The following SLC29A3 variants were observed in gnomAD, a reference collection of about 807,000 sequenced individuals.
The protein encoded by SLC29A3 is equilibrative nucleoside transporter 3.
Under a neutral mutation model 25.4 loss-of-function variants are expected in SLC29A3, and 18 were observed. The ratio of observed to expected loss-of-function variants is 0.71; its 90% CI spans 0.49 to 1.05. The LOEUF is 1.05. Among genes scored for constraint, SLC29A3 ranks in the 50% least tolerant of loss-of-function variants. The pLI is 0.00. For synonymous variants in SLC29A3, 258 were observed against 267.1 expected, an observed-to-expected ratio of 0.97 and a Z score of 0.33; for missense variants, 586 against 609.0, an observed-to-expected ratio of 0.96 and a Z score of 0.40.
chr10:71,378,091 A>C, intron 4 of SLC29A3, among the ~76,000 whole-genome samples: 1 of 79,618 alleles, frequency 1.3e-5, no homozygotes, highest in Non-Finnish European at 2.9e-5. Context: ...AGCTTAGACA[A>C]TGTTGGGGGG....
chr10:71,319,647 C>A (rs1040754280), intron 1 of SLC29A3: 13 of 305,926 alleles, frequency 4.2e-5, no homozygotes, highest in Non-Finnish European at 6.0e-5. Context: ...GCTGCGGGGC[C>A]TGAGGCTGGG....
At chr10:71,326,186 C>T (rs1360334272) in intron 2 of SLC29A3, among the ~76,000 whole-genome samples, 1 of 152,146 alleles carries the variant, frequency 6.6e-6, no homozygotes, top group African/African-American at 2.4e-5. Context: ...TCCCAAAGTG[C>T]TGGGGTTACA....
intron 2 of SLC29A3, among the ~76,000 whole-genome samples, chr10:71,342,056 G>A (rs969606817): frequency 1.3e-5 from 2 of 152,136 alleles, no homozygotes; most frequent in African/African-American, 4.8e-5. Context: ...CTACTCTCTC[G>A]GTTGGAAGCA....
intron 5 of SLC29A3, among the ~76,000 whole-genome samples, chr10:71,356,897 T>G (rs925733197): frequency 2.0e-5 from 3 of 152,156 alleles, no homozygotes; most frequent in Non-Finnish European, 4.4e-5. Flanking sequence ...CTATTATTAT[T>G]TTTTATTATT....
chr10:71,319,972 G>C (rs1845812997), intron 1 of SLC29A3, among the ~76,000 whole-genome samples: 2 of 152,222 alleles, frequency 1.3e-5, no homozygotes, highest in African/African-American at 4.8e-5. Context: ...AGCTTGTTTT[G>C]GGGAAGGTTG....
intron 2 of SLC29A3, among the ~76,000 whole-genome samples, chr10:71,325,951 C>T (rs1229297066): frequency 6.8e-6 from 1 of 146,188 alleles, no homozygotes; most frequent in Non-Finnish European, 1.5e-5. Flanking sequence ...GGGTCTTGCA[C>T]TGTCACCCAG....
At chr10:71,361,762 G>A (rs1009585810) in intron 5 of SLC29A3, among the ~76,000 whole-genome samples, 192 bp from the exon 6 acceptor site, 1 of 152,226 alleles carries the variant, frequency 6.6e-6, no homozygotes, top group African/African-American at 2.4e-5. Flanking sequence ...GGCAGGCCAG[G>A]GACAACGCAG....
chr10:71,338,729 C>G (rs974634679), intron 2 of SLC29A3, among the ~76,000 whole-genome samples: 1 of 152,128 alleles, frequency 6.6e-6, no homozygotes, highest in Non-Finnish European at 1.5e-5. Context: ...TGCACTCCAG[C>G]CTGAGCGACA....
At position 71,362,169 on chromosome 10, in the gene SLC29A3, T is replaced by C. The variant is rs772599884; in HGVS notation, c.989T>C (p.Ile330Thr). 1.9e-6 allele frequency: 3 copies of C among 1,614,056 alleles called. No homozygotes were observed. The highest frequency in any genetic ancestry group is 1.7e-6 in the Non-Finnish European group (2 of 1,179,986). ...ATCTACCCCGCCATCTGCACCAACA[T>C]CGAGTCCCTCAACAAGGGTTCGGGC... ...SLIYPAICTN[I>T]ESLNKGSGSL... The change falls in exon 6 of 6, where the codon ATC becomes ACC. Residue 330 changes from isoleucine (I) to threonine (T), a missense_variant. Coordinates refer to ENST00000373189, the MANE Select transcript of SLC29A3 (RefSeq NM_018344.6).
chr10:71,347,838 G>C (rs532663003), intron 3 of SLC29A3, among the ~76,000 whole-genome samples: 17 of 152,140 alleles, frequency 1.1e-4, no homozygotes, highest in Non-Finnish European at 2.5e-4. Flanking sequence ...TGCCCTGGGG[G>C]TACCTGAGTA....
In SLC29A3 at chr10:71,322,977, A is replaced by G. The variant is rs1421210697; in HGVS notation, c.223A>G (p.Lys75Glu). Residue 75 changes from lysine to glutamate, a missense_variant, in exon 2 of 6, where the codon AAG (lysine) becomes GAG (glutamate). Physicochemically the swap from Lys to Glu is moderately conservative, Grantham distance 56. Transcript: ENST00000373189. ...GCCATGGAACTTCTTTATCACTGCC[A>G]AGGAGTACTGGATGTTCAAACTCCG... is the stretch of plus-strand genomic sequence containing the variant. Reference protein sequence around the residue: ...LLPWNFFITAKEYWMFKLRNS... With the variant: ...LLPWNFFITAEEYWMFKLRNS... 1 of 1,614,150 alleles carries G rather than the reference A, an allele frequency of 6.2e-7. No homozygotes were observed. The highest frequency in any genetic ancestry group is 1.7e-5 in the Admixed American group (1 of 60,028).
rs1225769202 is a variant in SLC29A3, at chr10:71,319,401, G to C, written c.1+91G>C. 1.3e-5 allele frequency: 7 copies of C among 540,874 alleles called. No individual in the cohort carries two copies. In the African/African-American group the frequency reaches 1.4e-4, roughly 11 times the overall value. 33.5% of individuals were successfully genotyped at this position (540,874 alleles called of 1,614,324 possible). A position where few individuals can be genotyped will look rare whatever the true frequency, so the allele number is the denominator to read the frequency against. On this transcript the variant is annotated intron_variant, in intron 1 of 5. Coordinates refer to ENST00000373189, the MANE Select transcript of SLC29A3 (RefSeq NM_018344.6). ...GACCTCCCTCCCGGGCCCTGGGGGC[G>C]GCTGCGGGCTGCCAGGGGAGCCGCA...
intron 2 of SLC29A3, among the ~76,000 whole-genome samples, chr10:71,341,621 C>T (rs1846412291): frequency 6.6e-6 from 1 of 152,208 alleles, no homozygotes; most frequent in Non-Finnish European, 1.5e-5. Context: ...CGGAAACCCT[C>T]ATGAATTAGG....
At chr10:71,339,043 G>C (rs1459242721) in intron 2 of SLC29A3, among the ~76,000 whole-genome samples, 1 of 152,236 alleles carries the variant, frequency 6.6e-6, no homozygotes, top group Non-Finnish European at 1.5e-5. Context: ...TCTCCACCCG[G>C]TCTCTGCCCT....
At chr10:71,326,586 G>A (rs1159700327) in intron 2 of SLC29A3, among the ~76,000 whole-genome samples, 3 of 152,228 alleles carry the variant, frequency 2.0e-5, no homozygotes, top group Non-Finnish European at 4.4e-5. Flanking sequence ...GCTAGATTGC[G>A]TGTGCACCTG....
At chr10:71,360,131 CTTCTTTT>C (rs1485714139) in intron 5 of SLC29A3, among the ~76,000 whole-genome samples, 5 of 124,176 alleles carry the variant, frequency 4.0e-5, no homozygotes, top group African/African-American at 1.6e-4. Context: ...CTGTCTTCTT[CTTCTTTT>C]TTTTTTTTTT....
chr10:71,349,270 A>T (rs1394281719), intron 3 of SLC29A3, among the ~76,000 whole-genome samples: 1 of 152,092 alleles, frequency 6.6e-6, no homozygotes, highest in African/African-American at 2.4e-5. Context: ...AGGCAGGTCC[A>T]CCTTTAGGCA....
rs183560757 is a variant in SLC29A3, at chr10:71,335,245, G to A, written c.301-8964G>A. Among the ~76,000 whole-genome samples, 430 of 152,146 alleles carry A rather than the reference G, an allele frequency of 2.8e-3. 2 individuals carry two copies. Among genetic ancestry groups the A allele is most frequent in the African/African-American group, 9.6e-3 (399 of 41,502 alleles). ...GTTGAGAAGCCCCCAGAGCTCCCCA[G>A]TACCTTCCAAAACAAAACCCCTCTT... On this transcript the variant is annotated intron_variant, in intron 2 of 5. Transcript: ENST00000373189.
At chr10:71,376,762 TTTTTG>T (rs752491455) in intron 4 of SLC29A3, among the ~76,000 whole-genome samples, 4 of 152,146 alleles carry the variant, frequency 2.6e-5, no homozygotes, top group Non-Finnish European at 4.4e-5. Context: ...TTTCTGTGTT[TTTTTG>T]TTTTGTTTTG....
Sources: allele counts gnomAD v4.1 joint callset (sites outside exome capture counted in the v4.1 genomes callset), GRCh38; gene constraint gnomAD v4.1.1; transcripts MANE v1.5; gene names NCBI Gene and HGNC (gene_info 2026-07-23, HGNC 2026-07-21).